The following ADD2 variants were observed in gnomAD, a reference collection of about 807,000 sequenced individuals.
The protein encoded by ADD2 is beta-adducin.
ADD2 carries 23 observed loss-of-function variants against 83.0 expected under a neutral mutation model. The ratio of observed to expected loss-of-function variants is 0.28; its 90% CI spans 0.20 to 0.39. ADD2 has a LOEUF of 0.39. Ranked by LOEUF, ADD2 falls within the 10% of genes least tolerant of loss-of-function variation. ADD2 has a pLI of 1.00. For missense variants in ADD2, 758 were observed against 944.9 expected, an observed-to-expected ratio of 0.80 and a Z score of 2.59; for synonymous variants, 375 against 375.4, an observed-to-expected ratio of 1.00 and a Z score of 0.01.
intron 1 of ADD2, among the ~76,000 whole-genome samples, chr2:70,757,236 G>C (rs1553384020): frequency 2.0e-5 from 3 of 150,822 alleles, no homozygotes; most frequent in Non-Finnish European, 4.4e-5. Flanking sequence ...GGTATCTACA[G>C]CAGAACAAAA....
At chr2:70,711,359 T>A (rs1228383062) in intron 2 of ADD2, 1 of 152,036 alleles carries the variant, frequency 6.6e-6, no homozygotes, top group Non-Finnish European at 1.5e-5. Context: ...GCCCTTGGTT[T>A]CAAGGAAGGG....
At chr2:70,734,056 C>T (rs1673404109) in intron 1 of ADD2, among the ~76,000 whole-genome samples, 1 of 152,176 alleles carries the variant, frequency 6.6e-6, no homozygotes, top group African/African-American at 2.4e-5. Context: ...CTGCTATCTC[C>T]ACCCCCCTCT....
Position 70,692,416 on chromosome 2 carries a change from G to A in ADD2, c.692C>T (p.Pro231Leu), listed in dbSNP as rs1327135861. 26 of 1,574,786 alleles carry A rather than the reference G, an allele frequency of 1.7e-5. 1 individual carries two copies. The highest frequency in any genetic ancestry group is 1.7e-5 in the Non-Finnish European group (20 of 1,159,018). ...DVRCIIHLHT[P>L]ATAAVSAMKW... ...GAGTCCACTCACCGCTGCTGTGGCC[G>A]GTGTGTGCAGGTGGATGATGCAGCG... Residue 231 changes from proline (P) to leucine (L), a missense_variant, in exon 7 of 16, where the codon CCG (proline) becomes CTG (leucine). By Grantham distance (98) the Pro-to-Leu change is moderately conservative. Transcript: ENST00000264436.
intron 1 of ADD2, among the ~76,000 whole-genome samples, chr2:70,714,307 T>C (rs536976067): frequency 6.6e-6 from 1 of 152,204 alleles, no homozygotes; most frequent in South Asian, 2.1e-4. Context: ...CACCTGCCCA[T>C]GGCTCTGGCT....
Position 70,665,810 on chromosome 2 carries a change from G to GTTTTT in ADD2, c.1871-2080_1871-2076dup, listed in dbSNP as rs879978891. On this transcript the variant is annotated intron_variant, in intron 15 of 15. Coordinates refer to ENST00000264436, the MANE Select transcript of ADD2 (RefSeq NM_001617.4). ...CAGCATCTGCAAAACGATCACACTT[G>GTTTTT]TTTTTTTGTTTTTTTTTTTTTCCCG... is the stretch of plus-strand genomic sequence containing the variant. Among the ~76,000 whole-genome samples the GTTTTT allele has an allele frequency of 2.3e-4, 31 of 135,770 alleles. 2 individuals are homozygous for GTTTTT. The highest frequency in any genetic ancestry group is 8.5e-4 in the African/African-American group (29 of 34,054). The allele number at this position is 135,770 out of a possible 152,430, so 89.1% of individuals were successfully genotyped here. A position where few individuals can be genotyped will look rare whatever the true frequency, so the allele number is the denominator to read the frequency against.
intron 8 of ADD2, among the ~76,000 whole-genome samples, chr2:70,690,564 A>G (rs1008253643): frequency 6.6e-6 from 1 of 152,216 alleles, no homozygotes; most frequent in Non-Finnish European, 1.5e-5. Flanking sequence ...ATTACTATAT[A>G]TTGCTGAGGG....
chr2:70,708,438 G>A (rs1484415310), intron 2 of ADD2, among the ~76,000 whole-genome samples: 1 of 152,184 alleles, frequency 6.6e-6, no homozygotes, highest in African/African-American at 2.4e-5. Context: ...TTTTTCAAAA[G>A]CTCCCTAATC....
chr2:70,756,318 G>T (rs1674787596), intron 1 of ADD2, among the ~76,000 whole-genome samples: 1 of 152,118 alleles, frequency 6.6e-6, no homozygotes, highest in South Asian at 2.1e-4. Context: ...ACACACTGCA[G>T]GAGAGAACTA....
chr2:70,748,059 T>A (rs782434024), intron 1 of ADD2, among the ~76,000 whole-genome samples: 2 of 152,082 alleles, frequency 1.3e-5, no homozygotes, highest in Non-Finnish European at 2.9e-5. Context: ...AAACAAGTGT[T>A]TTTTTAATCT....
intron 1 of ADD2, among the ~76,000 whole-genome samples, chr2:70,733,598 T>A (rs982941110): frequency 2.0e-5 from 3 of 152,196 alleles, no homozygotes; most frequent in Non-Finnish European, 2.9e-5. Context: ...GATGTAGCCA[T>A]TGAAAGTGGT....
intron 8 of ADD2, among the ~76,000 whole-genome samples, chr2:70,689,107 A>C (rs1306607853): frequency 6.6e-6 from 1 of 151,142 alleles, no homozygotes; most frequent in Non-Finnish European, 1.5e-5. Context: ...AAAAAAAACC[A>C]AAAACGGAAA....
intron 13 of ADD2, chr2:70,675,474 C>T (rs1670085347): frequency 1.0e-6 from 1 of 985,340 alleles, no homozygotes; most frequent in African/African-American, 1.7e-5. Flanking sequence ...TCTGTGGAGC[C>T]CGTGGTTCTA....
chr2:70,700,394 T>C (rs1428773413), intron 4 of ADD2, among the ~76,000 whole-genome samples: 1 of 152,126 alleles, frequency 6.6e-6, no homozygotes, highest in Non-Finnish European at 1.5e-5. Context: ...GCAAGCTATT[T>C]AGAAATTAAC....
chr2:70,695,522 C>G (rs903556738), intron 6 of ADD2, among the ~76,000 whole-genome samples, 199 bp downstream of exon 6: 1 of 152,202 alleles, frequency 6.6e-6, no homozygotes, highest in African/African-American at 2.4e-5. Flanking sequence ...ACTGCACTTG[C>G]CACCTCCTCC....
intron 1 of ADD2, among the ~76,000 whole-genome samples, chr2:70,738,512 C>G (rs1553380550): frequency 1.3e-5 from 2 of 152,188 alleles, no homozygotes; most frequent in Non-Finnish European, 2.9e-5. Flanking sequence ...TGCCTCCTAG[C>G]TCAGGGTCTG....
At chr2:70,682,877 T>A (rs1670529654) in intron 10 of ADD2, among the ~76,000 whole-genome samples, 1 of 152,184 alleles carries the variant, frequency 6.6e-6, no homozygotes, top group Non-Finnish European at 1.5e-5. Flanking sequence ...AGGTGCTGCC[T>A]AGGATTAAGG....
chr2:70,754,569 C>T (rs1294371220), intron 1 of ADD2, among the ~76,000 whole-genome samples: 6 of 147,614 alleles, frequency 4.1e-5, no homozygotes, highest in African/African-American at 1.5e-4. Flanking sequence ...TCCTCTCATT[C>T]TCCGAGGACT....
chr2:70,670,339 T>A (rs1669847385), intron 15 of ADD2, among the ~76,000 whole-genome samples: 1 of 152,212 alleles, frequency 6.6e-6, no homozygotes, highest in South Asian at 2.1e-4. Flanking sequence ...GTTATTCCCA[T>A]CCAGCAGTGT....
chr2:70,757,989 C>T (rs1288256609), intron 1 of ADD2, among the ~76,000 whole-genome samples: 1 of 152,206 alleles, frequency 6.6e-6, no homozygotes, highest in Non-Finnish European at 1.5e-5. Context: ...CATTTAACGA[C>T]CCTTTCAAAA....
Sources: allele counts gnomAD v4.1 joint callset (sites outside exome capture counted in the v4.1 genomes callset), GRCh38; gene constraint gnomAD v4.1.1; transcripts MANE v1.5; gene names NCBI Gene and HGNC (gene_info 2026-07-23, HGNC 2026-07-21).